The following ABCC1 variants were observed in gnomAD, a reference collection of about 807,000 sequenced individuals.
The protein encoded by ABCC1 is multidrug resistance-associated protein 1.
Under a neutral mutation model 172.9 loss-of-function variants are expected in ABCC1, and 83 were observed. The observed-to-expected ratio is 0.48, with a 90% CI of 0.40 to 0.58. The LOEUF is 0.58. ABCC1 is among the 20% of genes least tolerant of loss of function. The pLI is 0.00. For synonymous variants in ABCC1, 937 were observed against 825.2 expected (o/e 1.14, Z -2.32); for missense variants, 1,817 against 2,002.7 (o/e 0.91, Z 1.77).
At chr16:16,011,811 A>G (rs888227617) in intron 3 of ABCC1, among the ~76,000 whole-genome samples, 10 of 152,050 alleles carry the variant, frequency 6.6e-5, no homozygotes, top group African/African-American at 2.2e-4. Context: ...CTGGGATTAC[A>G]GGCATGCGCC....
At chr16:16,105,984 C>G (rs752811075) in intron 20 of ABCC1, among the ~76,000 whole-genome samples, 2 of 150,292 alleles carry the variant, frequency 1.3e-5, no homozygotes, top group African/African-American at 2.4e-5. Context: ...TCAAGCGATT[C>G]TCCTGCCTCA....
chr16:16,084,126 G>A (rs528712640), intron 17 of ABCC1, among the ~76,000 whole-genome samples: 19 of 151,998 alleles, frequency 1.3e-4, no homozygotes, highest in African/African-American at 4.6e-4. Flanking sequence ...TTTTTGAGAT[G>A]GAGTCTTGCT....
intron 30 of ABCC1, 69 bp from the exon 31 acceptor site, chr16:16,141,101 GGTC>G: frequency 7.3e-7 from 1 of 1,366,448 alleles, no homozygotes; most frequent in Non-Finnish European, 1.0e-6. Context: ...GACTTGCCCA[GGTC>G]AGTTGTCCCA....
rs557603142 is a variant in ABCC1, at chr16:16,097,372, C to CA, written c.2645-5252dup. 1.2e-4 allele frequency among the ~76,000 whole-genome samples: 19 copies of CA among 152,342 alleles called. No individual in the cohort carries two copies. In the East Asian group the frequency reaches 3.5e-3, roughly 28 times the overall value. ...AAGTGATCCACCCGCCTCAGCCTCC[C>CA]AAAGTGCTGGGATTACAGGCATGAG... On this transcript the variant is annotated intron_variant, in intron 19 of 30. Coordinates refer to ENST00000399410, the MANE Select transcript of ABCC1 (RefSeq NM_004996.4).
chr16:16,009,780 TG>T lies in ABCC1; in HGVS notation c.233del (p.Gly78AspfsTer46). On this transcript the variant is annotated frameshift_variant, in exon 3 of 31. Transcript: ENST00000399410. LOFTEE classifies it high-confidence loss of function. ...MTPLNKTKTA[L>X]GFLLWIVCWA... Reference sequence around the variant, plus strand: ...ATGTATGTGCTTCTCTTCCAGGCCTTGGGATTTTTGCTGTGGATCGTCTGCT... The same window carrying T: ...ATGTATGTGCTTCTCTTCCAGGCCTTGGATTTTTGCTGTGGATCGTCTGCT... The T allele has an allele frequency of 6.2e-7, 1 of 1,605,290 alleles. No homozygotes were observed. Among genetic ancestry groups the T allele is most frequent in the Non-Finnish European group, 8.5e-7 (1 of 1,176,212 alleles).
In ABCC1 at chr16:16,090,458, C is replaced by T. The variant is rs1274051428; in HGVS notation, c.2514C>T (p.Ile838=). Residue 838 remains isoleucine (I), a synonymous_variant, in exon 19 of 31, where the codon ATC becomes ATT. Coordinates refer to ENST00000399410, the MANE Select transcript of ABCC1 (RefSeq NM_004996.4). ...GCTACTTGCCGCAGGTGGACGTCAT[C>T]ATCGTCATGAGTGGCGGCAAGATCT... ...SMSYLPQVDV[I]IVMSGGKISE... is the part of the protein sequence containing the mutation. The T allele has an allele frequency of 1.2e-6, 2 of 1,613,674 alleles. No individual in the cohort carries two copies. The highest frequency in any genetic ancestry group is 2.7e-5 in the African/African-American group (2 of 74,946).
At chr16:16,036,937 C>T (rs1459936881) in intron 7 of ABCC1, among the ~76,000 whole-genome samples, 3 of 152,058 alleles carry the variant, frequency 2.0e-5, no homozygotes, top group Non-Finnish European at 4.4e-5. Context: ...AACCCTGTCT[C>T]TACTAAAAAT....
chr16:16,106,072 T>TCA (rs960765054), intron 20 of ABCC1, among the ~76,000 whole-genome samples: 2 of 152,020 alleles, frequency 1.3e-5, no homozygotes, highest in Non-Finnish European at 2.9e-5. Flanking sequence ...AGACGGGGTT[T>TCA]CACCGTGTTG....
intron 5 of ABCC1, among the ~76,000 whole-genome samples, chr16:16,026,432 C>CAAAAAA (rs386384354): frequency 5.1e-5 from 3 of 59,224 alleles, no homozygotes; most frequent in African/African-American, 8.5e-5. Flanking sequence ...GAAACCGTCT[C>CAAAAAA]AAAAAAAAAA....
chr16:16,130,346 T>A lies in ABCC1; in HGVS notation c.3820-1443T>A, dbSNP rs981270573. Among the ~76,000 whole-genome samples, 8 of 152,338 alleles carry A rather than the reference T, an allele frequency of 5.3e-5. No individual in the cohort carries two copies. The South Asian group carries it at 1.4e-3, about 28-fold the overall frequency. ...ATAAATATTTATTTAAATTTTTTTT[T>A]ATCAAAAAGTAAGTTTTATTGGCAT... On this transcript the variant is annotated intron_variant, in intron 26 of 30. Coordinates refer to ENST00000399410, the MANE Select transcript of ABCC1 (RefSeq NM_004996.4).
chr16:15,989,455 A>T (rs1197575632), intron 1 of ABCC1, among the ~76,000 whole-genome samples: 1 of 152,160 alleles, frequency 6.6e-6, no homozygotes, highest in Admixed American at 6.6e-5. Context: ...TGAAGGCCAC[A>T]TGCTGTCTCT....
At chr16:16,137,957 C>A (rs2045980917) in intron 29 of ABCC1, among the ~76,000 whole-genome samples, 1 of 151,900 alleles carries the variant, frequency 6.6e-6, no homozygotes, top group Admixed American at 6.6e-5. Context: ...TGGACTCAAG[C>A]AATCCTGCCT....
At chr16:16,070,183 A>G (rs948084262) in intron 13 of ABCC1, among the ~76,000 whole-genome samples, 13 of 150,012 alleles carry the variant, frequency 8.7e-5, no homozygotes, top group African/African-American at 3.2e-4. Flanking sequence ...GGAGTTCAAA[A>G]TCAGCCTGGG....
At chr16:16,104,615 T>A (rs192760103) in intron 20 of ABCC1, among the ~76,000 whole-genome samples, 248 of 152,328 alleles carry the variant, frequency 1.6e-3, no homozygotes, top group African/African-American at 5.6e-3. Context: ...ACCAGGTGGA[T>A]GCCACACTGG....
intron 14 of ABCC1, among the ~76,000 whole-genome samples, chr16:16,073,090 A>C (rs1452663930): frequency 6.6e-6 from 1 of 151,956 alleles, no homozygotes; most frequent in Non-Finnish European, 1.5e-5. Flanking sequence ...CACTAAGTGC[A>C]GTGACACGTT....
chr16:16,115,823 A>G (rs1204814059), intron 23 of ABCC1, among the ~76,000 whole-genome samples: 1 of 152,132 alleles, frequency 6.6e-6, no homozygotes, highest in East Asian at 1.9e-4. Flanking sequence ...CATGAGTTTA[A>G]TATCCCAGAT....
intron 24 of ABCC1, among the ~76,000 whole-genome samples, chr16:16,124,345 G>GTGTGTC (rs2045321013): frequency 1.3e-5 from 1 of 75,108 alleles, no homozygotes; most frequent in Non-Finnish European, 3.0e-5. Flanking sequence ...GTGTGTGTGT[G>GTGTGTC]TGTGATTATA....
intron 25 of ABCC1, 54 bp downstream of exon 25, chr16:16,124,969 G>T: frequency 6.2e-7 from 1 of 1,610,614 alleles, no homozygotes; most frequent in Non-Finnish European, 8.5e-7. Flanking sequence ...GGGGGAGCCA[G>T]TTGTCCTTGG....
chr16:15,969,408 T>C (rs1225879164), intron 1 of ABCC1, among the ~76,000 whole-genome samples: 1 of 151,370 alleles, frequency 6.6e-6, no homozygotes, highest in Non-Finnish European at 1.5e-5. Flanking sequence ...GTTTCTGTCT[T>C]GTTGCCCAGA....
Sources: allele counts gnomAD v4.1 joint callset (sites outside exome capture counted in the v4.1 genomes callset), GRCh38; gene constraint gnomAD v4.1.1; transcripts MANE v1.5; gene names NCBI Gene and HGNC (gene_info 2026-07-23, HGNC 2026-07-21).